Variants in ZNF518A observed in about 807,000 individuals in gnomAD.
The protein encoded by ZNF518A is zinc finger protein 518A, also known as zinc finger protein 518.
ZNF518A carries 47 observed loss-of-function variants against 102.7 expected under a neutral mutation model. The observed-to-expected ratio is 0.46, with a 90% CI of 0.36 to 0.58. The LOEUF is 0.58. Ranked by LOEUF, ZNF518A falls within the 20% of genes least tolerant of loss-of-function variation. The pLI, the probability that ZNF518A is intolerant of heterozygous loss-of-function variation, is 0.00. For missense variants in ZNF518A, 1,793 were observed against 1,699.8 expected, an observed-to-expected ratio of 1.05 and a Z score of -0.96; for synonymous variants, 652 against 594.6, an observed-to-expected ratio of 1.10 and a Z score of -1.40.
intron 1 of ZNF518A, among the ~76,000 whole-genome samples, chr10:96,185,951 G>C (rs1165578387): frequency 1.3e-5 from 2 of 152,230 alleles, no homozygotes; most frequent in African/African-American, 4.8e-5. Context: ...CCCCAGCCAG[G>C]CTGCTGCCTT....
rs782205085 is a variant in ZNF518A at position 96,158,037 on chromosome 10, CAA to C, written c.1716_1717del (p.Asp574Ter). ...GTGAATTTGACCACAAAATTTGAAA[CAA>C]GAGATAATGTTGACTTCTGGGGAAA... On this transcript the variant is annotated frameshift_variant, in exon 6 of 6. Transcript: ENST00000316045. LOFTEE classifies it high-confidence loss of function. 49 of 1,613,744 alleles carry C rather than the reference CAA, an allele frequency of 3.0e-5. No individual in the cohort carries two copies. Among genetic ancestry groups the C allele is most frequent in the Admixed American group, 5.0e-5 (3 of 59,986 alleles).
At chr10:96,185,897 G>A (rs1235887619) in intron 1 of ZNF518A, among the ~76,000 whole-genome samples, 1 of 152,240 alleles carries the variant, frequency 6.6e-6, no homozygotes, top group Non-Finnish European at 1.5e-5. Flanking sequence ...CTTCCAGGCT[G>A]CTTCATTTAC....
Position 96,157,831 on chromosome 10 carries a change from T to C in ZNF518A, c.1509T>C (p.Asn503=), listed in dbSNP as rs1281485140. Residue 503 remains asparagine, a synonymous_variant, in exon 6 of 6, where the codon AAT becomes AAC. Coordinates refer to ENST00000316045, the MANE Select transcript of ZNF518A (RefSeq NM_001330736.2). ...GFLTGVTTEL[N]DTVYMKAATP... ...TAACAGGAGTAACAACTGAGTTAAA[T>C]GACACAGTTTATATGAAAGCAGCTA... The C allele has an allele frequency of 3.7e-6, 6 of 1,613,928 alleles. No individual in the cohort carries two copies. The East Asian group carries it at 1.3e-4, about 36-fold the overall frequency.
chr10:96,168,219 G>A (rs1200396412), downstream of ZNF518A, among the ~76,000 whole-genome samples: 10 of 152,194 alleles, frequency 6.6e-5, no homozygotes, highest in Non-Finnish European at 1.2e-4. Context: ...GAGGCCCAGA[G>A]GTTGCACCTC....
intron 3 of ZNF518A, among the ~76,000 whole-genome samples, chr10:96,146,684 A>G (rs587745026): frequency 6.6e-6 from 1 of 152,360 alleles, no homozygotes; most frequent in South Asian, 2.1e-4. Flanking sequence ...CTGCATACCA[A>G]CTATTTAAGA....
chr10:96,193,502 A>G (rs1564808685), intron 1 of ZNF518A, among the ~76,000 whole-genome samples: 1 of 152,202 alleles, frequency 6.6e-6, no homozygotes, highest in Non-Finnish European at 1.5e-5. Context: ...AAGTGTGTGC[A>G]GTAGGGAGTT....
chr10:96,167,964 A>G (rs2083152090), downstream of ZNF518A, among the ~76,000 whole-genome samples: 1 of 152,228 alleles, frequency 6.6e-6, no homozygotes, highest in Admixed American at 6.5e-5. Flanking sequence ...ATCTCAACTT[A>G]ATTTCAGTAA....
At chr10:96,175,879 CTTCCTTCCTTCCTT>C (rs2083200780) in intron 1 of ZNF518A, among the ~76,000 whole-genome samples, 1 of 101,084 alleles carries the variant, frequency 9.9e-6, no homozygotes, top group African/African-American at 4.1e-5. Context: ...CCCTCCCTCC[CTTCCTTCCTTCCTT>C]CCTTCCTTCC....
intron 3 of ZNF518A, among the ~76,000 whole-genome samples, chr10:96,152,607 A>G (rs1432417227): frequency 2.0e-5 from 3 of 152,218 alleles, no homozygotes; most frequent in East Asian, 1.9e-4. Context: ...GAAATGAGTC[A>G]TGAGGTTATT....
At chr10:96,139,907 G>T (rs1407192440) in intron 3 of ZNF518A, among the ~76,000 whole-genome samples, 1 of 152,140 alleles carries the variant, frequency 6.6e-6, no homozygotes, top group Non-Finnish European at 1.5e-5. Flanking sequence ...TGCCCAGGCT[G>T]GAGTGCAATG....
chr10:96,131,111 AAAAAT>A (rs1349371446), intron 1 of ZNF518A, among the ~76,000 whole-genome samples: 2 of 152,204 alleles, frequency 1.3e-5, no homozygotes, highest in East Asian at 1.9e-4. Flanking sequence ...AAAACCCTAG[AAAAAT>A]AAAATAAGTC....
At chr10:96,140,424 C>T (rs1554876103) in intron 3 of ZNF518A, among the ~76,000 whole-genome samples, 1 of 152,200 alleles carries the variant, frequency 6.6e-6, no homozygotes. Flanking sequence ...GTTCTCCCAG[C>T]AAATAGCAGT....
At chr10:96,174,240 AACTTTAT>A (rs1419706579) in intron 1 of ZNF518A, among the ~76,000 whole-genome samples, 2 of 152,100 alleles carry the variant, frequency 1.3e-5, no homozygotes, top group African/African-American at 4.8e-5. Flanking sequence ...TTAATAGCAT[AACTTTAT>A]ACTTTAAGGA....
intron 3 of ZNF518A, among the ~76,000 whole-genome samples, chr10:96,153,130 G>A (rs2082530616): frequency 6.6e-6 from 1 of 152,230 alleles, no homozygotes; most frequent in African/African-American, 2.4e-5. Flanking sequence ...GCTAAGTCCT[G>A]GAGTCCTAAG....
At chr10:96,134,294 G>A (rs1177720007) in intron 3 of ZNF518A, among the ~76,000 whole-genome samples, 2 of 152,158 alleles carry the variant, frequency 1.3e-5, no homozygotes, top group Non-Finnish European at 2.9e-5. Flanking sequence ...GCAGTGGCGC[G>A]ATCTCGGCTC....
At chr10:96,145,310 T>A (rs979275515) in intron 3 of ZNF518A, among the ~76,000 whole-genome samples, 6 of 152,188 alleles carry the variant, frequency 3.9e-5, no homozygotes, top group Non-Finnish European at 7.4e-5. Flanking sequence ...CCTCAGGTGA[T>A]CCTCCCACCT....
In ZNF518A at chr10:96,159,787, T is replaced by G. The variant is rs781967451; in HGVS notation, c.3465T>G (p.Thr1155=). The G allele has an allele frequency of 9.3e-6, 15 of 1,613,570 alleles. No homozygotes were observed. The highest frequency in any genetic ancestry group is 5.9e-6 in the Non-Finnish European group (7 of 1,179,798). Residue 1155 remains threonine, a synonymous_variant, in exon 6 of 6, where the codon ACT becomes ACG. Transcript: ENST00000316045. The part of the protein sequence containing the change: ...LKIFNPVLNV[T]AANNLSVSNS... ...TTTTTAACCCTGTTTTAAATGTGAC[T>G]GCTGCTAATAATCTGTCAGTAAGCA...
Position 96,161,569 on chromosome 10 carries a change from C to T in ZNF518A, c.*795C>T, listed in dbSNP as rs2083001266. On this transcript the variant is annotated 3_prime_UTR_variant, in exon 6 of 6. Coordinates refer to ENST00000316045, the MANE Select transcript of ZNF518A (RefSeq NM_001330736.2). ...ATTTGATTATATTCTCTGATGATCCCTTTGCACAGAACTATGCTTATCTCA... is the reference window on the plus strand; with the variant it reads ...ATTTGATTATATTCTCTGATGATCCTTTTGCACAGAACTATGCTTATCTCA... 6.0e-6 allele frequency: 1 copy of T among 166,642 alleles called. No homozygotes were observed. The highest frequency in any genetic ancestry group is 6.6e-5 in the Admixed American group (1 of 15,262). 10.3% of individuals were successfully genotyped at this position (166,642 alleles called of 1,614,324 possible).
intron 3 of ZNF518A, among the ~76,000 whole-genome samples, chr10:96,146,563 T>C (rs587610995): frequency 6.6e-6 from 1 of 152,370 alleles, no homozygotes; most frequent in East Asian, 1.9e-4. Flanking sequence ...CCTCTGTGAC[T>C]TTCTTCTTTG....
Sources: allele counts gnomAD v4.1 joint callset (sites outside exome capture counted in the v4.1 genomes callset), GRCh38; gene constraint gnomAD v4.1.1; transcripts MANE v1.5; gene names NCBI Gene and HGNC (gene_info 2026-07-23, HGNC 2026-07-21).